SLC19A1: variants seen among roughly 807,000 people sequenced by gnomAD.
SLC19A1 encodes reduced folate transporter.
In SLC19A1, 37 loss-of-function variants were observed where a neutral mutation model predicts 35.3. The ratio of observed to expected loss-of-function variants is 1.05; its 90% CI spans 0.81 to 1.38. The LOEUF (loss-of-function observed/expected upper bound fraction) is 1.38. SLC19A1 is among the 40% of genes most tolerant of loss of function. The pLI is 0.00. For synonymous variants in SLC19A1, 460 were observed against 398.5 expected (o/e 1.15, Z -1.84); for missense variants, 831 against 826.9 (o/e 1.00, Z -0.06).
intron 3 of SLC19A1, among the ~76,000 whole-genome samples, chr21:45,505,645 A>G (rs1313272475): frequency 6.6e-6 from 1 of 152,216 alleles, no homozygotes; most frequent in Admixed American, 6.5e-5. Flanking sequence ...GGGCCTGTAC[A>G]TTGTCCACGG....
upstream of SLC19A1, among the ~76,000 whole-genome samples, chr21:45,547,650 C>T (rs2146482162): frequency 6.6e-6 from 1 of 152,258 alleles, no homozygotes; most frequent in Non-Finnish European, 1.5e-5. Context: ...ACCTGGAAGC[C>T]AGCCCCCACC....
chr21:45,543,048 C>T (rs1473895220), upstream of SLC19A1, among the ~76,000 whole-genome samples: 1 of 152,120 alleles, frequency 6.6e-6, no homozygotes, highest in Non-Finnish European at 1.5e-5. Context: ...TGACCGTGAC[C>T]CGTACGGGCT....
chr21:45,537,741 C>A, intron 2 of SLC19A1, 30 bp downstream of exon 2: 1 of 1,217,650 alleles, frequency 8.2e-7, no homozygotes. Context: ...CACCCACAGG[C>A]GGCCGCCCGG....
At chr21:45,509,637 A>C, downstream of SLC19A1, 1 of 1,132,154 alleles carries the variant, frequency 8.8e-7, no homozygotes, top group Non-Finnish European at 1.3e-6. Context: ...GGCTCCATCT[A>C]GCCCCTCGGC....
rs745527688 is a variant in SLC19A1, at chr21:45,516,125, C to A, written c.1309G>T (p.Val437Leu). The part of the protein sequence containing the change: ...PVRKQFQLYS[V>L]YFLILSIIYF... ...ATGATGGACAGGATCAGGAAGTACA[C>A]GGAGTATAACTGGAACTGGAAAGAG... The change falls in exon 6 of 6, where the codon GTG (valine) becomes TTG (leucine). Residue 437 changes from valine (V) to leucine (L), a missense_variant. Coordinates refer to ENST00000311124, the MANE Select transcript of SLC19A1 (RefSeq NM_194255.4). 1.2e-5 allele frequency: 19 copies of A among 1,606,752 alleles called. No individual in the cohort carries two copies. The highest frequency in any genetic ancestry group is 1.6e-4 in the Middle Eastern group (1 of 6,066).
intron 1 of SLC19A1, among the ~76,000 whole-genome samples, chr21:45,562,372 T>C (rs2078624106): frequency 6.6e-6 from 1 of 152,174 alleles, no homozygotes; most frequent in Admixed American, 6.5e-5. Flanking sequence ...TGTGACTGTC[T>C]CTGGGAAGTT....
intron 4 of SLC19A1, among the ~76,000 whole-genome samples, chr21:45,528,073 G>T (rs966721526): frequency 1.4e-4 from 22 of 152,150 alleles, no homozygotes; most frequent in Non-Finnish European, 2.2e-4. Context: ...GAGACGGGGG[G>T]ACAGTGGGGA....
chr21:45,504,679 C>A, intron 3 of SLC19A1: 1 of 827,452 alleles, frequency 1.2e-6, no homozygotes. Flanking sequence ...AGCTCAGCAG[C>A]CCCGACATGT....
rs2037115965 is a variant in SLC19A1 at position 45,505,157 on chromosome 21, G to A, written c.498-6545C>T. The A allele has an allele frequency of 1.2e-6, 2 of 1,608,456 alleles. No individual in the cohort carries two copies. Among genetic ancestry groups the A allele is most frequent in the African/African-American group, 1.3e-5 (1 of 74,784 alleles). ...AGGGTCCCAAGGGAGAGAGCATCCG[G>A]GGCCAGCCCGGCCCACCTGGACCTC... On this transcript the variant is annotated intron_variant, in intron 3 of 4. Transcript: ENST00000417954.
intron 1 of SLC19A1, among the ~76,000 whole-genome samples, chr21:45,553,554 C>A (rs1052840170): frequency 6.6e-6 from 1 of 151,322 alleles, no homozygotes; most frequent in African/African-American, 2.4e-5. Context: ...CGGCCGTCAC[C>A]CCCATCATCT....
chr21:45,523,284 G>A (rs1025232264), intron 5 of SLC19A1, among the ~76,000 whole-genome samples: 1 of 152,176 alleles, frequency 6.6e-6, no homozygotes, highest in Non-Finnish European at 1.5e-5. Flanking sequence ...CCAGCCATGA[G>A]CAAAATGCCC....
intron 3 of SLC19A1, among the ~76,000 whole-genome samples, chr21:45,504,860 C>T (rs1385307867): frequency 6.6e-6 from 1 of 152,132 alleles, no homozygotes; most frequent in Non-Finnish European, 1.5e-5. Context: ...CCCATCAGTC[C>T]TGAAAGACTC....
At chr21:45,557,604 A>G (rs2078575769) in intron 1 of SLC19A1, among the ~76,000 whole-genome samples, 1 of 152,140 alleles carries the variant, frequency 6.6e-6, no homozygotes, top group South Asian at 2.1e-4. Flanking sequence ...GACCAGGACC[A>G]GGGTGCAGGG....
At chr21:45,560,278 G>A (rs1413900752) in intron 1 of SLC19A1, among the ~76,000 whole-genome samples, 1 of 152,182 alleles carries the variant, frequency 6.6e-6, no homozygotes, top group Non-Finnish European at 1.5e-5. Context: ...ACGGCTCAAT[G>A]AGGCCAGCAG....
chr21:45,537,403 G>A (rs888147961), intron 2 of SLC19A1, among the ~76,000 whole-genome samples: 1 of 150,306 alleles, frequency 6.7e-6, no homozygotes. Flanking sequence ...GCTGCTCCCC[G>A]CCCACCCATA....
chr21:45,508,691 T>C (rs979851398), downstream of SLC19A1, among the ~76,000 whole-genome samples: 1 of 152,178 alleles, frequency 6.6e-6, no homozygotes, highest in Non-Finnish European at 1.5e-5. Flanking sequence ...CTCACAGGGT[T>C]CAGCCCAGTC....
downstream of SLC19A1, chr21:45,509,480 C>A: frequency 6.5e-7 from 1 of 1,528,044 alleles, no homozygotes; most frequent in South Asian, 1.2e-5. Flanking sequence ...CTGGCCAGCC[C>A]CCCTCGCCTG....
upstream of SLC19A1, among the ~76,000 whole-genome samples, chr21:45,547,128 C>T (rs2078423184): frequency 6.6e-6 from 1 of 152,156 alleles, no homozygotes; most frequent in African/African-American, 2.4e-5. Context: ...ACAGTATTTA[C>T]AACGCCAATG....
At chr21:45,541,842 T>G (rs1415421790) in intron 1 of SLC19A1, 3 of 152,162 alleles carry the variant, frequency 2.0e-5, no homozygotes, top group Non-Finnish European at 2.9e-5. Flanking sequence ...GATCCACGCT[T>G]TCCTCCAGAC....
Sources: gnomAD v4.1 joint callset for allele counts (sites outside exome capture counted in the v4.1 genomes callset) on GRCh38, gnomAD v4.1.1 for gene constraint, MANE v1.5 for transcripts, NCBI Gene and HGNC (gene_info 2026-07-23, HGNC 2026-07-21) for gene names.